CACNA1D: variants seen among roughly 807,000 people sequenced by gnomAD.
CACNA1D encodes voltage-dependent L-type calcium channel subunit alpha-1D.
Under a neutral mutation model 257.1 loss-of-function variants are expected in CACNA1D, and 55 were observed. The observed-to-expected ratio is 0.21, with a 90% confidence interval of 0.17 to 0.27. The LOEUF is 0.27. CACNA1D is among the 10% of genes least tolerant of loss of function. CACNA1D has a pLI of 1.00. For missense variants in CACNA1D, 1,876 were observed against 2,784.0 expected (o/e 0.67, Z 7.34); for synonymous variants, 980 against 1,014.9 (o/e 0.97, Z 0.65).
chr3:53,513,758 C>G (rs147815954), intron 3 of CACNA1D, among the ~76,000 whole-genome samples: 11 of 152,334 alleles, frequency 7.2e-5, no homozygotes, highest in African/African-American at 2.6e-4. Flanking sequence ...CCTGCAAGCT[C>G]CATTCATGGT....
chr3:53,555,356 G>A (rs1261343710), intron 3 of CACNA1D, among the ~76,000 whole-genome samples: 1 of 151,978 alleles, frequency 6.6e-6, no homozygotes, highest in Non-Finnish European at 1.5e-5. Context: ...GGCTTTGCCC[G>A]TGGAGTTCAG....
At chr3:53,672,453 G>A (rs2094331923) in intron 7 of CACNA1D, among the ~76,000 whole-genome samples, 1 of 152,204 alleles carries the variant, frequency 6.6e-6, no homozygotes, top group Non-Finnish European at 1.5e-5. Flanking sequence ...TGGTTTCCTT[G>A]GGTAGGTTGG....
chr3:53,808,707 G>C lies in CACNA1D; in HGVS notation c.5808G>C (p.Glu1936Asp). Residue 1936 changes from glutamate to aspartate, a missense_variant, in exon 46 of 48, where the codon GAG (glutamate) becomes GAC (aspartate). Coordinates refer to ENST00000350061, the MANE Select transcript of CACNA1D (RefSeq NM_001128840.3). ...TGCGCCGGCAGAGCAGCCAGGAAGA[G>C]GTCCCGTCGTCTCCCATCTTCCCCC... is the stretch of plus-strand genomic sequence containing the variant. ...ECLRRQSSQE[E>D]VPSSPIFPHR... is the part of the protein sequence containing the mutation. 9 of 1,609,458 alleles carry C rather than the reference G, an allele frequency of 5.6e-6. No individual in the cohort carries two copies. Among genetic ancestry groups the C allele is most frequent in the Non-Finnish European group, 7.6e-6 (9 of 1,179,964 alleles).
intron 8 of CACNA1D, among the ~76,000 whole-genome samples, chr3:53,675,368 A>G (rs768630418): frequency 6.6e-6 from 1 of 152,204 alleles, no homozygotes; most frequent in South Asian, 2.1e-4. Context: ...ATAACATCGC[A>G]TTTGATTTTG....
At position 53,650,926 on chromosome 3, in the gene CACNA1D, T is replaced by A. The variant is rs1300444128; in HGVS notation, c.623+8T>A. The A allele has an allele frequency of 2.5e-6, 4 of 1,608,916 alleles. No individual in the cohort carries two copies. In the South Asian group the frequency reaches 4.4e-5, roughly 18 times the overall value. Reference sequence around the variant, plus strand: ...TGTTATAGTAATAGTAGGGTAAGTCTCTTTTACTTTGGGGAAATGTTGATT... The same window carrying A: ...TGTTATAGTAATAGTAGGGTAAGTCACTTTTACTTTGGGGAAATGTTGATT... On this transcript the variant is annotated splice_region_variant and intron_variant, in intron 4 of 47. Coordinates refer to ENST00000350061, the MANE Select transcript of CACNA1D (RefSeq NM_001128840.3).
intron 8 of CACNA1D, among the ~76,000 whole-genome samples, chr3:53,689,371 C>T (rs1005754978): frequency 4.7e-5 from 7 of 150,310 alleles, no homozygotes; most frequent in East Asian, 2.0e-4. Flanking sequence ...CTTTAAGCTG[C>T]GGGAGCTGTC....
chr3:53,663,214 C>A (rs1327386574), intron 5 of CACNA1D, among the ~76,000 whole-genome samples: 1 of 152,204 alleles, frequency 6.6e-6, no homozygotes, highest in African/African-American at 2.4e-5. Flanking sequence ...GTCATTATTG[C>A]TAAGTCTTCT....
intron 28 of CACNA1D, among the ~76,000 whole-genome samples, 200 bp from the exon 29 acceptor site, chr3:53,753,372 T>G (rs1046176425): frequency 6.6e-6 from 1 of 152,238 alleles, no homozygotes; most frequent in Non-Finnish European, 1.5e-5. Context: ...CATCATTCAA[T>G]CATCCTCATC....
chr3:53,720,445 C>A (rs960922671), intron 11 of CACNA1D, among the ~76,000 whole-genome samples: 3 of 152,032 alleles, frequency 2.0e-5, no homozygotes, highest in Admixed American at 2.0e-4. Flanking sequence ...AACTTCTGTT[C>A]TTCAAAAGAA....
At chr3:53,542,638 G>A (rs1215860460) in intron 3 of CACNA1D, among the ~76,000 whole-genome samples, 2 of 152,042 alleles carry the variant, frequency 1.3e-5, no homozygotes, top group Non-Finnish European at 2.9e-5. Flanking sequence ...AGGTCTGGAT[G>A]TAGGGTTAGA....
At chr3:53,672,999 A>G (rs2094340582) in intron 7 of CACNA1D, 24 bp from the exon 8 acceptor site, 4 of 1,492,596 alleles carry the variant, frequency 2.7e-6, no homozygotes, top group South Asian at 2.4e-5. Flanking sequence ...ACCCACTCCT[A>G]TGAGACCATC....
At chr3:53,563,046 T>C (rs2092768712) in intron 3 of CACNA1D, among the ~76,000 whole-genome samples, 1 of 152,176 alleles carries the variant, frequency 6.6e-6, no homozygotes, top group Non-Finnish European at 1.5e-5. Flanking sequence ...AATCTTTTTG[T>C]TTTGTTTTGT....
At chr3:53,534,733 C>T (rs1388054562) in intron 3 of CACNA1D, among the ~76,000 whole-genome samples, 1 of 152,218 alleles carries the variant, frequency 6.6e-6, no homozygotes, top group Admixed American at 6.5e-5. Flanking sequence ...ATCTGTTCCT[C>T]TAAATCATGA....
Position 53,800,200 on chromosome 3 carries a change from C to T in CACNA1D, c.4924-49C>T, listed in dbSNP as rs750258951. The T allele has an allele frequency of 8.9e-6, 12 of 1,345,450 alleles. No individual in the cohort carries two copies. In the East Asian group the frequency reaches 2.5e-4, roughly 28 times the overall value. 83.3% of individuals were successfully genotyped at this position (1,345,450 alleles called of 1,614,324 possible). A position where few individuals can be genotyped will look rare whatever the true frequency, so the allele number is the denominator to read the frequency against. On this transcript the variant is annotated intron_variant, in intron 40 of 47. Coordinates refer to ENST00000350061, the MANE Select transcript of CACNA1D (RefSeq NM_001128840.3). The surrounding 1 kb of genome is among the most constrained non-coding windows in gnomAD (Gnocchi z 4.3). ...AGCAAAGCCAGGACCCAGGCTGGCC[C>T]CAGGGCCCATGTGTGGTCTAACCTG...
In CACNA1D at chr3:53,794,443, C is replaced by T. The variant is rs555753543; in HGVS notation, c.4924-5806C>T. Among the ~76,000 whole-genome samples the T allele has an allele frequency of 8.5e-5, 13 of 152,248 alleles. No individual in the cohort carries two copies. In the South Asian group the frequency reaches 2.5e-3, roughly 29 times the overall value. ...TGGTGAAGGCAACCCATTCAGACGT[C>T]CCAAAGGCTGGCTCAGGGAAGCCAT... On this transcript the variant is annotated intron_variant, in intron 40 of 47. Transcript: ENST00000350061.
intron 3 of CACNA1D, among the ~76,000 whole-genome samples, chr3:53,535,503 G>A (rs1019158842): frequency 2.6e-4 from 40 of 152,288 alleles, no homozygotes; most frequent in African/African-American, 9.4e-4. Context: ...TGACTGGCAG[G>A]CTTTACCTCC....
intron 3 of CACNA1D, among the ~76,000 whole-genome samples, chr3:53,541,137 G>A (rs2092286868): frequency 2.6e-5 from 4 of 152,138 alleles, no homozygotes; most frequent in Non-Finnish European, 4.4e-5. Context: ...AATTTTGCGA[G>A]TACATCTATA....
chr3:53,660,693 T>C (rs7629247), intron 5 of CACNA1D, among the ~76,000 whole-genome samples: 14,102 of 151,868 alleles, frequency 0.093, 2,120 homozygotes, highest in African/African-American at 0.32. Flanking sequence ...TTTTTTTTTT[T>C]CCCCAAATGG....
chr3:53,507,834 A>G (rs1243665661), intron 3 of CACNA1D, among the ~76,000 whole-genome samples: 1 of 152,182 alleles, frequency 6.6e-6, no homozygotes, highest in Non-Finnish European at 1.5e-5. Context: ...AGTATTAGCC[A>G]GAACTCTTTG....
Sources: gnomAD v4.1 joint callset for allele counts (sites outside exome capture counted in the v4.1 genomes callset) on GRCh38, gnomAD v4.1.1 for gene constraint, Gnocchi (gnomAD v3.1) non-coding constraint, MANE v1.5 for transcripts, NCBI Gene and HGNC (gene_info 2026-07-23, HGNC 2026-07-21) for gene names.